PACRG: variants seen among roughly 807,000 people sequenced by gnomAD.
PACRG encodes parkin coregulated, also known as parkin coregulated gene protein.
Under a neutral mutation model 29.7 loss-of-function variants are expected in PACRG, and 29 were observed. That is an observed-to-expected ratio of 0.98 (90% confidence interval 0.73 to 1.33). PACRG has a LOEUF of 1.33. PACRG is among the 40% of genes most tolerant of loss of function. The pLI is 0.00. For synonymous variants in PACRG, 116 were observed against 118.7 expected, an observed-to-expected ratio of 0.98 and a Z score of 0.15; for missense variants, 279 against 316.2, an observed-to-expected ratio of 0.88 and a Z score of 0.89.
At chr6:163,138,405 G>A (rs946317055) in intron 4 of PACRG, among the ~76,000 whole-genome samples, 14 of 152,126 alleles carry the variant, frequency 9.2e-5, no homozygotes, top group African/African-American at 3.4e-4. Context: ...TAATTAACTC[G>A]AGAAGAGGCA....
chr6:163,304,015 CAAAAAAA>C (rs59861286), intron 4 of PACRG, among the ~76,000 whole-genome samples: 24 of 76,260 alleles, frequency 3.1e-4, no homozygotes, highest in South Asian at 1.0e-3. Context: ...GACTCCATTT[CAAAAAAA>C]AAAAAAAAAA....
At chr6:162,972,148 C>G (rs1801586536) in intron 2 of PACRG, among the ~76,000 whole-genome samples, 1 of 152,198 alleles carries the variant, frequency 6.6e-6, no homozygotes, top group Non-Finnish European at 1.5e-5. Flanking sequence ...TGGCGAGTCT[C>G]AAATCTTCAA....
chr6:162,730,544 G>C (rs1398737326), intron 1 of PACRG, among the ~76,000 whole-genome samples: 1 of 152,042 alleles, frequency 6.6e-6, no homozygotes. Flanking sequence ...CTCTGAGTGC[G>C]ATAGTGATAC....
intron 2 of PACRG, among the ~76,000 whole-genome samples, chr6:162,871,734 T>C (rs192010511): frequency 1.1e-3 from 160 of 152,136 alleles, no homozygotes; most frequent in Middle Eastern, 3.4e-3. Context: ...CTGGCTAACA[T>C]GGTGAAACCC....
intron 4 of PACRG, among the ~76,000 whole-genome samples, chr6:163,177,710 A>ATTTTT (rs398003265): frequency 0.026 from 1,381 of 53,712 alleles, 183 homozygotes; most frequent in African/African-American, 0.075. Flanking sequence ...TAGAAAAGGG[A>ATTTTT]TTTTTTTTTT....
chr6:162,851,930 AAGAAAGGAAGGG>A (rs1039752206), intron 2 of PACRG, among the ~76,000 whole-genome samples: 4 of 149,064 alleles, frequency 2.7e-5, no homozygotes, highest in African/African-American at 7.4e-5. Context: ...GAGAAAAGAA[AAGAAAGGAAGGG>A]AGAAAGGAAG....
In PACRG at chr6:162,777,126, A is replaced by C. The variant is rs1019193419; in HGVS notation, c.157-37021A>C. ...ATAGCTAGCATTAAATCAACCAACTATTTCTCTGGGTGAATGTTCTGTCGC... is the reference window on the plus strand; with the variant it reads ...ATAGCTAGCATTAAATCAACCAACTCTTTCTCTGGGTGAATGTTCTGTCGC... On this transcript the variant is annotated intron_variant, in intron 1 of 4. Coordinates refer to ENST00000366888, the MANE Select transcript of PACRG (RefSeq NM_001080379.2). This position sits in a 1 kb window ranked among gnomAD's most constrained non-coding sequence, Gnocchi z 4.0. 6.6e-6 allele frequency among the ~76,000 whole-genome samples: 1 copy of C among 152,160 alleles called. No homozygotes were observed. Among genetic ancestry groups the C allele is most frequent in the Non-Finnish European group, 1.5e-5 (1 of 68,036 alleles).
At chr6:163,159,305 A>G (rs945762326) in intron 4 of PACRG, among the ~76,000 whole-genome samples, 6 of 148,400 alleles carry the variant, frequency 4.0e-5, no homozygotes, top group African/African-American at 1.2e-4. Flanking sequence ...ATGTTATATA[A>G]TATATAATTT....
intron 4 of PACRG, among the ~76,000 whole-genome samples, chr6:163,277,339 G>C (rs1051594835): frequency 2.0e-5 from 3 of 151,988 alleles, no homozygotes; most frequent in Non-Finnish European, 4.4e-5. Context: ...CCATGTATGA[G>C]TGAGAACATA....
intron 2 of PACRG, 114 bp downstream of exon 2, chr6:162,814,395 G>C: frequency 7.4e-7 from 1 of 1,345,068 alleles, no homozygotes; most frequent in Admixed American, 2.2e-5. Flanking sequence ...TCAGCACATG[G>C]AAGATGGTGG....
chr6:163,235,942 T>G (rs1287762251), intron 4 of PACRG, among the ~76,000 whole-genome samples: 1 of 143,234 alleles, frequency 7.0e-6, no homozygotes, highest in African/African-American at 2.7e-5. Context: ...TTGTTTTTTT[T>G]GTTTGTTTTT....
intron 1 of PACRG, among the ~76,000 whole-genome samples, chr6:162,801,086 A>G (rs1322128726): frequency 6.6e-6 from 1 of 152,204 alleles, no homozygotes; most frequent in Non-Finnish European, 1.5e-5. Flanking sequence ...CTGTAGTACC[A>G]AACTGTGCTA....
At chr6:162,986,134 C>T (rs1280513448) in intron 2 of PACRG, among the ~76,000 whole-genome samples, 2 of 152,198 alleles carry the variant, frequency 1.3e-5, no homozygotes, top group Middle Eastern at 3.4e-3. Flanking sequence ...AATGACCATA[C>T]TGCCAAAAGT....
chr6:163,265,561 G>A (rs551770150), intron 4 of PACRG, among the ~76,000 whole-genome samples: 24 of 152,272 alleles, frequency 1.6e-4, no homozygotes, highest in African/African-American at 5.1e-4. Flanking sequence ...TAGAGTAGTC[G>A]CTGATGTATA....
intron 2 of PACRG, among the ~76,000 whole-genome samples, chr6:162,816,441 C>T (rs1417766719): frequency 6.6e-6 from 1 of 152,174 alleles, no homozygotes; most frequent in East Asian, 1.9e-4. Flanking sequence ...CAACCTCCGC[C>T]TCCTGGGTTC....
At chr6:163,251,474 C>CAATCAT (rs1367674921) in intron 4 of PACRG, among the ~76,000 whole-genome samples, 1 of 152,132 alleles carries the variant, frequency 6.6e-6, no homozygotes, top group Non-Finnish European at 1.5e-5. Context: ...TCCCAATATT[C>CAATCAT]AATCATAATC....
Position 163,208,420 on chromosome 6 carries a change from A to T in PACRG, c.614-106407A>T, listed in dbSNP as rs577748868. 1.8e-3 allele frequency among the ~76,000 whole-genome samples: 267 copies of T among 150,370 alleles called. 2 individuals are homozygous for T. Among genetic ancestry groups the T allele is most frequent in the Middle Eastern group, 0.014 (4 of 280 alleles). On this transcript the variant is annotated intron_variant, in intron 4 of 4. Coordinates refer to ENST00000366888, the MANE Select transcript of PACRG (RefSeq NM_001080379.2). ...ATCTAAGCTACATTTTACTTTTTTT[A>T]AAAAAAAAAGATTGTCAGGTTATCA...
At chr6:162,874,578 G>T (rs1199165334) in intron 2 of PACRG, among the ~76,000 whole-genome samples, 2 of 152,100 alleles carry the variant, frequency 1.3e-5, no homozygotes, top group African/African-American at 2.4e-5. Flanking sequence ...GCACCACAAG[G>T]CTGTTTGCCT....
At chr6:163,175,868 T>G (rs1779330427) in intron 4 of PACRG, among the ~76,000 whole-genome samples, 1 of 152,152 alleles carries the variant, frequency 6.6e-6, no homozygotes, top group Non-Finnish European at 1.5e-5. Flanking sequence ...TCATAGTGGA[T>G]CAAAAGATAA....
Sources: allele counts gnomAD v4.1 joint callset (sites outside exome capture counted in the v4.1 genomes callset), GRCh38; gene constraint gnomAD v4.1.1; non-coding constraint Gnocchi (gnomAD v3.1); transcripts MANE v1.5; gene names NCBI Gene and HGNC (gene_info 2026-07-23, HGNC 2026-07-21).